Variants in CCDC102B observed in about 807,000 individuals in gnomAD.
CCDC102B encodes the protein coiled-coil domain-containing protein 102B.
In CCDC102B, 75 loss-of-function variants were observed where a neutral mutation model predicts 57.4. That is an observed-to-expected ratio of 1.31 (90% CI 1.08 to 1.58). The LOEUF is 1.58. CCDC102B is among the 40% of genes most tolerant of loss of function. CCDC102B has a pLI of 0.00. For missense variants in CCDC102B, 636 were observed against 582.6 expected, an observed-to-expected ratio of 1.09 and a Z score of -0.94; for synonymous variants, 206 against 201.9, an observed-to-expected ratio of 1.02 and a Z score of -0.17.
chr18:68,765,357 GAAAGAA>G (rs1325579914), intron 2 of CCDC102B, among the ~76,000 whole-genome samples: 1 of 120,922 alleles, frequency 8.3e-6, no homozygotes, highest in Non-Finnish European at 1.7e-5. Context: ...AAGAAAGAAA[GAAAGAA>G]AGAAAGAAAG....
intron 2 of CCDC102B, among the ~76,000 whole-genome samples, chr18:68,729,468 C>A (rs1254953547): frequency 6.6e-6 from 1 of 152,124 alleles, no homozygotes. Context: ...AGGGATAGAC[C>A]AACTGACCAG....
chr18:68,876,603 T>C (rs563290482), intron 5 of CCDC102B, among the ~76,000 whole-genome samples: 179 of 152,298 alleles, frequency 1.2e-3, no homozygotes, highest in African/African-American at 3.8e-3. Context: ...TGACTTTACA[T>C]GTTCTAGCAA....
At chr18:68,765,365 G>GAAAGAAAGAAAGAAAGA (rs2144599626) in intron 2 of CCDC102B, among the ~76,000 whole-genome samples, 1 of 118,852 alleles carries the variant, frequency 8.4e-6, no homozygotes, top group Non-Finnish European at 1.8e-5. Flanking sequence ...AAGAAAGAAA[G>GAAAGAAAGAAAGAAAGA]AAAGAAAGAA....
At chr18:68,803,215 G>T (rs556530088) in intron 1 of CCDC102B, among the ~76,000 whole-genome samples, 1 of 152,258 alleles carries the variant, frequency 6.6e-6, no homozygotes, top group Non-Finnish European at 1.5e-5. Context: ...AAGTCACTCT[G>T]TTTTAGATTT....
At chr18:68,800,769 A>T (rs1405424614) in intron 1 of CCDC102B, among the ~76,000 whole-genome samples, 1 of 152,194 alleles carries the variant, frequency 6.6e-6, no homozygotes, top group Non-Finnish European at 1.5e-5. Flanking sequence ...GGCATTGTAT[A>T]AGTTTCATTT....
intron 2 of CCDC102B, among the ~76,000 whole-genome samples, chr18:68,776,831 T>C (rs2034835589): frequency 6.6e-6 from 1 of 152,202 alleles, no homozygotes; most frequent in Admixed American, 6.5e-5. Context: ...AAAAGACTTA[T>C]TGATACACAT....
chr18:68,960,666 T>G (rs2050023591), intron 6 of CCDC102B, among the ~76,000 whole-genome samples: 2 of 152,110 alleles, frequency 1.3e-5, no homozygotes, highest in African/African-American at 2.4e-5. Context: ...GGTGGCAAGG[T>G]TTACCAGAAC....
intron 6 of CCDC102B, among the ~76,000 whole-genome samples, chr18:68,904,689 G>GCACACA (rs144065830): frequency 1.1e-3 from 163 of 149,936 alleles, no homozygotes; most frequent in African/African-American, 3.9e-3. Flanking sequence ...TCAAATGCAT[G>GCACACA]CACACACACA....
chr18:68,897,289 G>T lies in CCDC102B; in HGVS notation c.1124G>T (p.Gly375Val), dbSNP rs746808745. ...KREILEREKQ[G>V]LERENRRLKI... is the part of the protein sequence containing the mutation. Reference sequence around the variant, plus strand: ...GAAATACTTGAAAGAGAAAAGCAGGGACTGGAGAGAGAAAATAGAAGGCTG... The same window carrying T: ...GAAATACTTGAAAGAGAAAAGCAGGTACTGGAGAGAGAAAATAGAAGGCTG... The change falls in exon 6 of 8, where the codon GGA becomes GTA. Residue 375 changes from glycine (G) to valine (V), a missense_variant. Coordinates refer to ENST00000360242, the MANE Select transcript of CCDC102B (RefSeq NM_024781.3). 5 of 1,612,978 alleles carry T rather than the reference G, an allele frequency of 3.1e-6. No homozygotes were observed. In the South Asian group the frequency reaches 5.5e-5, roughly 18 times the overall value.
intron 7 of CCDC102B, among the ~76,000 whole-genome samples, chr18:69,029,350 G>A (rs73453734): frequency 0.05 from 7,630 of 152,142 alleles, 663 homozygotes; most frequent in African/African-American, 0.17. Flanking sequence ...GGACTTGGAC[G>A]GCAGCAATCC....
At chr18:68,728,194 T>TA (rs753294943) in intron 2 of CCDC102B, among the ~76,000 whole-genome samples, 5 of 152,158 alleles carry the variant, frequency 3.3e-5, no homozygotes, top group Non-Finnish European at 5.9e-5. Flanking sequence ...AAATTTCTTA[T>TA]AAAAATAGAT....
At chr18:68,906,007 A>G (rs2040629212) in intron 6 of CCDC102B, among the ~76,000 whole-genome samples, 1 of 151,782 alleles carries the variant, frequency 6.6e-6, no homozygotes, top group South Asian at 2.1e-4. Context: ...GTTAGCCAGG[A>G]TGGTCTTGAT....
At chr18:68,843,712 A>G (rs1169566209) in intron 3 of CCDC102B, among the ~76,000 whole-genome samples, 2 of 152,056 alleles carry the variant, frequency 1.3e-5, no homozygotes, top group Admixed American at 6.6e-5. Flanking sequence ...TACATAAACT[A>G]TGCAACAATT....
intron 6 of CCDC102B, among the ~76,000 whole-genome samples, chr18:68,971,391 TA>T (rs1294121688): frequency 2.0e-5 from 3 of 152,120 alleles, no homozygotes; most frequent in Non-Finnish European, 4.4e-5. Flanking sequence ...ACTCAGCAAT[TA>T]TCTAGTGAAG....
intron 6 of CCDC102B, among the ~76,000 whole-genome samples, chr18:69,000,777 C>T (rs539376905): frequency 3.3e-5 from 5 of 152,000 alleles, no homozygotes; most frequent in African/African-American, 4.8e-5. Context: ...GAACCTGCAG[C>T]GTCAAATTTG....
chr18:68,958,270 G>A (rs956215385), intron 6 of CCDC102B, among the ~76,000 whole-genome samples: 17 of 152,072 alleles, frequency 1.1e-4, no homozygotes, highest in African/African-American at 4.1e-4. Context: ...CATGTCATAT[G>A]GAAATGCTAA....
chr18:69,055,705 A>C (rs2052804827), downstream of CCDC102B, among the ~76,000 whole-genome samples: 1 of 152,012 alleles, frequency 6.6e-6, no homozygotes, highest in African/African-American at 2.4e-5. Flanking sequence ...TCTTCCTCTC[A>C]AGATCCTAAA....
chr18:68,727,924 G>A (rs1599376282), intron 2 of CCDC102B, among the ~76,000 whole-genome samples: 1 of 152,208 alleles, frequency 6.6e-6, no homozygotes, highest in East Asian at 1.9e-4. Context: ...CAAGTGGACT[G>A]TAGATAATTG....
chr18:68,985,575 G>A (rs1292956754), intron 6 of CCDC102B, among the ~76,000 whole-genome samples: 1 of 152,108 alleles, frequency 6.6e-6, no homozygotes, highest in East Asian at 1.9e-4. Flanking sequence ...TGTGAACCAG[G>A]GTTGCCAGAC....
Sources: allele counts gnomAD v4.1 joint callset (sites outside exome capture counted in the v4.1 genomes callset), GRCh38; gene constraint gnomAD v4.1.1; transcripts MANE v1.5; gene names NCBI Gene and HGNC (gene_info 2026-07-23, HGNC 2026-07-21).